TENM1: variants seen among roughly 807,000 people sequenced by gnomAD.
TENM1 encodes the protein teneurin-1.
Under a neutral mutation model 174.8 loss-of-function variants are expected in TENM1, and 35 were observed. The observed-to-expected ratio is 0.20, with a 90% CI of 0.15 to 0.27. TENM1 has a LOEUF of 0.27. Among genes scored for constraint, TENM1 ranks in the 10% least tolerant of loss-of-function variants. TENM1 has a pLI of 1.00. For missense variants in TENM1, 1,633 were observed against 2,130.1 expected, an observed-to-expected ratio of 0.77 and a Z score of 4.59; for synonymous variants, 781 against 798.7, an observed-to-expected ratio of 0.98 and a Z score of 0.37.
intron 3 of TENM1, among the ~76,000 whole-genome samples, chrX:124,758,932 G>A (rs1358501777): frequency 9.0e-6 from 1 of 111,528 alleles, no homozygotes; most frequent in Non-Finnish European, 1.9e-5. Context: ...TTTGCAAGAT[G>A]AAAAGGTTCC....
chrX:124,869,428 C>A (rs761085134), intron 3 of TENM1, among the ~76,000 whole-genome samples: 2 of 111,121 alleles, frequency 1.8e-5, no homozygotes, highest in Non-Finnish European at 3.8e-5. Context: ...ACCATATGAT[C>A]CAGCAATCCC....
chrX:125,146,774 C>T, the TENM1 span, among the ~76,000 whole-genome samples: 1 of 111,044 alleles, frequency 9.0e-6, no homozygotes, highest in African/African-American at 3.3e-5. Flanking sequence ...CTCCCCAATG[C>T]CCCAAAACAT....
At chrX:124,977,959 TGTGTGTGTGAGAGAGA>T in the TENM1 span, among the ~76,000 whole-genome samples, 5 of 55,800 alleles carry the variant, frequency 9.0e-5, no homozygotes, top group African/African-American at 3.5e-4. Context: ...TGTGTGTGTG[TGTGTGTGTGAGAGAGA>T]GAGAGAGAGA....
chrX:125,181,651 A>C, the TENM1 span, among the ~76,000 whole-genome samples: 1 of 111,733 alleles, frequency 8.9e-6, no homozygotes, highest in Non-Finnish European at 1.9e-5. Flanking sequence ...CTAGGTATCA[A>C]TGTGGAGGGA....
the TENM1 span, among the ~76,000 whole-genome samples, chrX:125,123,205 GAT>G: frequency 9.0e-6 from 1 of 111,345 alleles, no homozygotes; most frequent in Admixed American, 9.7e-5. Context: ...CATAGCAACA[GAT>G]AGTTCAAATG....
At chrX:124,925,225 T>C (rs1453793580) in intron 1 of TENM1, among the ~76,000 whole-genome samples, 1 of 110,655 alleles carries the variant, frequency 9.0e-6, no homozygotes, top group African/African-American at 3.3e-5. Context: ...AATTATACTT[T>C]GAATGATTTT....
rs188498613 is a variant in TENM1 at position 124,766,441 on chromosome X, G to A, written c.536-29244C>T. 6.8e-3 allele frequency among the ~76,000 whole-genome samples: 757 copies of A among 111,238 alleles called. 6 individuals carry two copies. Among genetic ancestry groups the A allele is most frequent in the Non-Finnish European group, 9.1e-3 (482 of 52,814 alleles). Reference sequence around the variant, plus strand: ...TTCATGAAACTTTTGTTTCAGTTTTGTATATTATGATGCAAAATATATTTT... The same window carrying A: ...TTCATGAAACTTTTGTTTCAGTTTTATATATTATGATGCAAAATATATTTT... On this transcript the variant is annotated intron_variant, in intron 3 of 31. Transcript: ENST00000422452.
At chrX:124,710,349 T>C (rs748012406) in intron 4 of TENM1, among the ~76,000 whole-genome samples, 1 of 112,131 alleles carries the variant, frequency 8.9e-6, no homozygotes, top group Non-Finnish European at 1.9e-5. Flanking sequence ...GAGGTTCCTT[T>C]ACTTAATGTT....
At chrX:124,673,279 T>C (rs5956674) in intron 5 of TENM1, among the ~76,000 whole-genome samples, 21,891 of 110,905 alleles carry the variant, frequency 0.2, 2,328 homozygotes, top group African/African-American at 0.41. Context: ...CAGTGGAAGT[T>C]AACGCCAGAA....
the TENM1 span, among the ~76,000 whole-genome samples, chrX:125,097,254 T>A: frequency 2.7e-5 from 3 of 111,921 alleles, no homozygotes; most frequent in Admixed American, 9.5e-5. Flanking sequence ...CCTTTTTTTT[T>A]AACCCCTTTC....
intron 21 of TENM1, among the ~76,000 whole-genome samples, chrX:124,484,768 A>G (rs1189589771): frequency 1.8e-5 from 2 of 110,832 alleles, no homozygotes; most frequent in East Asian, 5.7e-4. Context: ...CCATTTCTCC[A>G]AAGACTCCCC....
chrX:124,647,047 A>C (rs1260797096), intron 8 of TENM1, among the ~76,000 whole-genome samples: 1 of 111,319 alleles, frequency 9.0e-6, no homozygotes, highest in Non-Finnish European at 1.9e-5. Context: ...GAACCAAAAA[A>C]CATCATTATC....
At chrX:124,710,405 A>G (rs1213172059) in intron 4 of TENM1, among the ~76,000 whole-genome samples, 1 of 112,190 alleles carries the variant, frequency 8.9e-6, no homozygotes, top group East Asian at 2.8e-4. Context: ...AAGGAGAATA[A>G]TTGGATTTTT....
intron 28 of TENM1, among the ~76,000 whole-genome samples, chrX:124,386,296 G>A (rs1324618794): frequency 9.0e-6 from 1 of 111,192 alleles, no homozygotes; most frequent in Non-Finnish European, 1.9e-5. Flanking sequence ...AATATAGTGT[G>A]AAATGTGTTA....
At chrX:124,883,163 G>A (rs1216565677) in intron 3 of TENM1, among the ~76,000 whole-genome samples, 1 of 111,163 alleles carries the variant, frequency 9.0e-6, no homozygotes, top group African/African-American at 3.3e-5. Context: ...TGATATTTGT[G>A]CATCAGGTAT....
At chrX:124,614,788 C>T (rs1001761173) in intron 11 of TENM1, among the ~76,000 whole-genome samples, 1 of 112,303 alleles carries the variant, frequency 8.9e-6, no homozygotes, top group African/African-American at 3.2e-5. Context: ...GAGGCTGAGG[C>T]AGGAGAATCG....
chrX:124,612,158 C>T (rs1016767875), intron 11 of TENM1, among the ~76,000 whole-genome samples: 2 of 111,328 alleles, frequency 1.8e-5, no homozygotes, highest in Non-Finnish European at 3.8e-5. Context: ...TTCAGGGATG[C>T]TTGTTTAGGC....
chrX:125,144,860 C>A, the TENM1 span, among the ~76,000 whole-genome samples: 3 of 110,379 alleles, frequency 2.7e-5, no homozygotes, highest in African/African-American at 9.9e-5. Flanking sequence ...GCCTCAGCCT[C>A]CCAAGTAGCT....
intron 3 of TENM1, among the ~76,000 whole-genome samples, chrX:124,830,559 T>G (rs922046054): frequency 1.8e-5 from 2 of 111,514 alleles, no homozygotes; most frequent in Non-Finnish European, 3.8e-5. Flanking sequence ...AGAATGGAAA[T>G]CATGAAAAGA....
Sources: gnomAD v4.1 joint callset for allele counts (sites outside exome capture counted in the v4.1 genomes callset) on GRCh38, gnomAD v4.1.1 for gene constraint, MANE v1.5 for transcripts, NCBI Gene and HGNC (gene_info 2026-07-23, HGNC 2026-07-21) for gene names.